Variants in PARP4 observed in about 807,000 individuals in gnomAD.
PARP4 encodes the protein protein mono-ADP-ribosyltransferase PARP4.
In PARP4, 120 loss-of-function variants were observed where a neutral mutation model predicts 187.7. The observed-to-expected ratio is 0.64, with a 90% CI of 0.55 to 0.74. PARP4 has a LOEUF of 0.74. PARP4 is among the 30% of genes least tolerant of loss of function. The pLI is 0.00. For synonymous variants in PARP4, 654 were observed against 740.9 expected (o/e 0.88, Z 1.90); for missense variants, 1,836 against 2,070.5 (o/e 0.89, Z 2.20).
chr13:24,437,770 T>A (rs1442764665), intron 30 of PARP4, among the ~76,000 whole-genome samples: 2 of 149,448 alleles, frequency 1.3e-5, no homozygotes, highest in African/African-American at 4.9e-5. Flanking sequence ...GGCCAGGAGT[T>A]CAAAGCTGTA....
rs1871245506 is a variant in PARP4 at position 24,447,023 on chromosome 13, C to G, written c.3278G>C (p.Cys1093Ser). The G allele has an allele frequency of 6.3e-7, 1 of 1,588,810 alleles. No individual in the cohort carries two copies. The change falls in exon 26 of 34, where the codon TGC becomes TCC. Residue 1093 changes from cysteine (C) to serine (S), a missense_variant. Transcript: ENST00000381989. ...RLLVYGFIPH[C>S]TQATLCALIQ... ...AACTCTGCGTCTTCTTACCTGTGTG[C>G]AGTGAGGAATGAATCCATAGACAAG...
At chr13:24,435,746 A>G (rs750104206) in intron 30 of PARP4, among the ~76,000 whole-genome samples, 12 of 152,088 alleles carry the variant, frequency 7.9e-5, no homozygotes, top group Middle Eastern at 6.3e-3. Context: ...GCGAGGCTCC[A>G]TCTTTACAAA....
chr13:24,509,622 A>G (rs1234736386), intron 1 of PARP4, among the ~76,000 whole-genome samples: 1 of 152,214 alleles, frequency 6.6e-6, no homozygotes, highest in African/African-American at 2.4e-5. Flanking sequence ...CATAATAGTT[A>G]CATACATATT....
intron 30 of PARP4, among the ~76,000 whole-genome samples, chr13:24,437,915 T>G (rs1041143964): frequency 1.3e-5 from 2 of 151,960 alleles, no homozygotes; most frequent in African/African-American, 4.8e-5. Context: ...AACTCCTTCT[T>G]GAATAGTATT....
At chr13:24,500,252 T>C (rs1266892153) in intron 4 of PARP4, 64 bp downstream of exon 4, 2 of 870,056 alleles carry the variant, frequency 2.3e-6, no homozygotes, top group Non-Finnish European at 3.6e-6. Flanking sequence ...AATACTGTGC[T>C]TGAGGTTTAC....
chr13:24,459,445 A>G (rs1872071182), intron 18 of PARP4, 135 bp from the exon 19 acceptor site: 2 of 813,590 alleles, frequency 2.5e-6, no homozygotes, highest in Admixed American at 3.5e-5. Flanking sequence ...TGAAACACAG[A>G]AAGTTTGCTC....
In PARP4 at chr13:24,507,853, GTTATATA is replaced by G. The variant is rs1869793815; in HGVS notation, c.-1-4083_-1-4077del. On this transcript the variant is annotated intron_variant, in intron 1 of 33. Coordinates refer to ENST00000381989, the MANE Select transcript of PARP4 (RefSeq NM_006437.4). Reference sequence around the variant, plus strand: ...GGTCCTCCAAGTCTTGACACATGCTGTTATATATTATAGTTCTTATCTCTGGGACCCC... The same window carrying G: ...GGTCCTCCAAGTCTTGACACATGCTGTTATAGTTCTTATCTCTGGGACCCC... Among the ~76,000 whole-genome samples, 6 of 152,192 alleles carry G rather than the reference GTTATATA, an allele frequency of 3.9e-5. No homozygotes were observed. In the South Asian group the frequency reaches 1.2e-3, roughly 31 times the overall value.
chr13:24,479,046 GA>G (rs1366514445), intron 12 of PARP4, among the ~76,000 whole-genome samples: 1 of 152,140 alleles, frequency 6.6e-6, no homozygotes, highest in Non-Finnish European at 1.5e-5. Context: ...CTCCTGAAAG[GA>G]AAAACAAACA....
At chr13:24,504,485 T>C (rs1302796492) in intron 1 of PARP4, among the ~76,000 whole-genome samples, 1 of 151,722 alleles carries the variant, frequency 6.6e-6, no homozygotes, top group African/African-American at 2.4e-5. Context: ...GGCTACTTTT[T>C]ATATTTTTAG....
At chr13:24,452,297 A>C in intron 24 of PARP4, 109 bp downstream of exon 24, 1 of 868,822 alleles carries the variant, frequency 1.2e-6, no homozygotes, top group South Asian at 1.7e-5. Flanking sequence ...CTATGCTGTA[A>C]GGCTTCTGTA....
At chr13:24,480,357 T>A (rs191788813) in intron 12 of PARP4, among the ~76,000 whole-genome samples, 1 of 152,306 alleles carries the variant, frequency 6.6e-6, no homozygotes, top group Admixed American at 6.5e-5. Context: ...ATTAGGCCAA[T>A]TAATAATAAC....
At chr13:24,423,388 A>C (rs1184485989) in intron 33 of PARP4, among the ~76,000 whole-genome samples, 1 of 151,900 alleles carries the variant, frequency 6.6e-6, no homozygotes, top group Non-Finnish European at 1.5e-5. Context: ...CACAAATATA[A>C]AAATTAGCTG....
intron 27 of PARP4, among the ~76,000 whole-genome samples, chr13:24,444,788 T>C (rs938729175): frequency 6.6e-6 from 1 of 152,302 alleles, no homozygotes; most frequent in African/African-American, 2.4e-5. Flanking sequence ...GCAGGGAATA[T>C]TTGCATCTGC....
intron 11 of PARP4, 116 bp from the exon 12 acceptor site, chr13:24,484,864 G>A (rs1485766893): frequency 6.4e-6 from 4 of 625,114 alleles, no homozygotes; most frequent in Admixed American, 4.9e-5. Context: ...TCTGCAATCA[G>A]GGTGAAGCCA....
chr13:24,474,461 C>T (rs9511298), intron 15 of PARP4, among the ~76,000 whole-genome samples: 53,551 of 114,674 alleles, frequency 0.47, 8,658 homozygotes, highest in South Asian at 0.57. Flanking sequence ...GACCCCTCCC[C>T]GGAGCAGCCC....
At chr13:24,433,811 G>A (rs1347594755) in intron 31 of PARP4, among the ~76,000 whole-genome samples, 2 of 152,276 alleles carry the variant, frequency 1.3e-5, no homozygotes, top group East Asian at 1.9e-4. Context: ...AGCCCTTTCC[G>A]TTTCACTAAA....
intron 14 of PARP4, among the ~76,000 whole-genome samples, chr13:24,477,092 T>G (rs749031645): frequency 2.0e-4 from 31 of 152,250 alleles, no homozygotes; most frequent in Non-Finnish European, 3.8e-4. Context: ...GTTTTAGCCT[T>G]GGCTATTCCT....
intron 6 of PARP4, among the ~76,000 whole-genome samples, chr13:24,496,918 G>A (rs551927552): frequency 2.0e-5 from 3 of 152,286 alleles, no homozygotes; most frequent in South Asian, 2.1e-4. Context: ...AGCTACTCAG[G>A]AGGCTGAGGC....
chr13:24,443,346 G>A (rs919551469), intron 28 of PARP4, among the ~76,000 whole-genome samples: 1 of 152,144 alleles, frequency 6.6e-6, no homozygotes, highest in African/African-American at 2.4e-5. Context: ...CGAGAGATCT[G>A]AGGTGACGTC....
Sources: allele counts gnomAD v4.1 joint callset (sites outside exome capture counted in the v4.1 genomes callset), GRCh38; gene constraint gnomAD v4.1.1; transcripts MANE v1.5; gene names NCBI Gene and HGNC (gene_info 2026-07-23, HGNC 2026-07-21).